The following CNTN5 variants were observed in gnomAD, a reference collection of about 807,000 sequenced individuals.
CNTN5 encodes contactin-5.
Under a neutral mutation model 129.1 loss-of-function variants are expected in CNTN5, and 77 were observed. That is an observed-to-expected ratio of 0.60 (90% CI 0.50 to 0.72). The LOEUF is 0.72. Among genes scored for constraint, CNTN5 ranks in the 30% least tolerant of loss-of-function variants. The pLI is 0.00. For missense variants in CNTN5, 1,478 were observed against 1,328.8 expected (o/e 1.11, Z -1.75); for synonymous variants, 509 against 465.6 (o/e 1.09, Z -1.20).
At position 100,133,798 on chromosome 11, in the gene CNTN5, G is replaced by T. The variant is rs1057159855; in HGVS notation, c.1581-57328G>T. Among the ~76,000 whole-genome samples, 10 of 152,052 alleles carry T rather than the reference G, an allele frequency of 6.6e-5. No individual in the cohort carries two copies. The East Asian group carries it at 1.9e-3, about 29-fold the overall frequency. ...TAGTTCCAATGGGAGGTTACCGAGG[G>T]TAAGTAATCAAGATACTTGCTGGTA... On this transcript the variant is annotated intron_variant, in intron 13 of 24. Coordinates refer to ENST00000524871, the MANE Select transcript of CNTN5 (RefSeq NM_014361.4).
At chr11:99,904,096 G>T (rs976769074) in intron 6 of CNTN5, among the ~76,000 whole-genome samples, 1 of 152,068 alleles carries the variant, frequency 6.6e-6, no homozygotes, top group Non-Finnish European at 1.5e-5. Flanking sequence ...ATTGTATATA[G>T]TTCTATCATC....
chr11:99,679,185 T>G, intron 3 of CNTN5, among the ~76,000 whole-genome samples: 1 of 136,712 alleles, frequency 7.3e-6, no homozygotes, highest in East Asian at 2.1e-4. Context: ...TATAAATATT[T>G]TATATATAGG....
chr11:99,278,275 T>A (rs1331525594), intron 1 of CNTN5, among the ~76,000 whole-genome samples: 1 of 151,650 alleles, frequency 6.6e-6, no homozygotes, highest in Admixed American at 6.6e-5. Flanking sequence ...TGTATTTTAT[T>A]CACAAGAACC....
chr11:99,759,650 G>C (rs1467674115), intron 3 of CNTN5, among the ~76,000 whole-genome samples: 1 of 151,404 alleles, frequency 6.6e-6, no homozygotes, highest in Non-Finnish European at 1.5e-5. Context: ...ATGCTAGGGA[G>C]GGTGTTTGCC....
chr11:99,582,685 T>G (rs1949650822), intron 3 of CNTN5, among the ~76,000 whole-genome samples: 1 of 152,244 alleles, frequency 6.6e-6, no homozygotes, highest in Non-Finnish European at 1.5e-5. Flanking sequence ...TCAGGTCCTT[T>G]AAGAACTTCT....
chr11:99,048,892 T>A (rs1198757354), intron 1 of CNTN5, among the ~76,000 whole-genome samples: 2 of 152,196 alleles, frequency 1.3e-5, no homozygotes, highest in Non-Finnish European at 2.9e-5. Context: ...TTCCTTAGTG[T>A]GTTTTCATGG....
chr11:99,122,181 C>T, intron 1 of CNTN5, among the ~76,000 whole-genome samples: 1 of 151,854 alleles, frequency 6.6e-6, no homozygotes, highest in Non-Finnish European at 1.5e-5. Context: ...TGCTATAGAT[C>T]TAATTTATTT....
At chr11:99,021,665 C>G (rs941796853) in intron 1 of CNTN5, among the ~76,000 whole-genome samples, 1 of 152,094 alleles carries the variant, frequency 6.6e-6, no homozygotes, top group Non-Finnish European at 1.5e-5. Context: ...GAATGTATGC[C>G]TTATGTTTGA....
chr11:99,477,468 A>G (rs11604781), intron 2 of CNTN5, among the ~76,000 whole-genome samples: 1 of 151,948 alleles, frequency 6.6e-6, no homozygotes, highest in Non-Finnish European at 1.5e-5. Flanking sequence ...TCTGGCTTTC[A>G]CCATATTTTT....
intron 2 of CNTN5, among the ~76,000 whole-genome samples, chr11:99,497,810 A>G (rs1426331347): frequency 6.6e-6 from 1 of 152,164 alleles, no homozygotes; most frequent in African/African-American, 2.4e-5. Context: ...ATGGGGACAT[A>G]CTAGGAATCA....
At chr11:99,521,151 A>C (rs1163202911) in intron 2 of CNTN5, among the ~76,000 whole-genome samples, 10 of 150,148 alleles carry the variant, frequency 6.7e-5, no homozygotes, top group East Asian at 5.9e-4. Context: ...ATCTCCTCCT[A>C]CTCCTCCTCC....
At chr11:100,113,238 ATTACT>A (rs1256214665) in intron 13 of CNTN5, among the ~76,000 whole-genome samples, 1 of 151,844 alleles carries the variant, frequency 6.6e-6, no homozygotes, top group Admixed American at 6.6e-5. Context: ...TTTTACTGAA[ATTACT>A]TTACATATAA....
Position 99,918,622 on chromosome 11 carries a change from C to A in CNTN5, c.673+2473C>A, listed in dbSNP as rs1285795641. On this transcript the variant is annotated intron_variant, in intron 7 of 24. Transcript: ENST00000524871. ...ACCAATTAGCATTTGTAGCCATACA[C>A]TCTGACTTCCCAGTTTTTAGTATAT... 2.6e-5 allele frequency among the ~76,000 whole-genome samples: 4 copies of A among 152,274 alleles called. No individual in the cohort carries two copies. In the East Asian group the frequency reaches 7.7e-4, roughly 29 times the overall value.
intron 18 of CNTN5, among the ~76,000 whole-genome samples, chr11:100,277,337 C>G (rs1950536244): frequency 6.6e-6 from 1 of 152,074 alleles, no homozygotes; most frequent in African/African-American, 2.4e-5. Context: ...GGATATATAC[C>G]TAGGAGTGGG....
chr11:99,512,182 G>A (rs1946862867), intron 2 of CNTN5, among the ~76,000 whole-genome samples: 2 of 152,202 alleles, frequency 1.3e-5, no homozygotes, highest in African/African-American at 4.8e-5. Flanking sequence ...GCCCTAGACA[G>A]GTATAGCATT....
At chr11:99,830,364 T>G (rs1358149106) in intron 4 of CNTN5, among the ~76,000 whole-genome samples, 1 of 152,182 alleles carries the variant, frequency 6.6e-6, no homozygotes, top group Non-Finnish European at 1.5e-5. Context: ...TTCCTGCATT[T>G]ACAAATTTGT....
intron 17 of CNTN5, among the ~76,000 whole-genome samples, chr11:100,257,838 CA>C (rs1950108846): frequency 6.6e-6 from 1 of 152,134 alleles, no homozygotes; most frequent in Admixed American, 6.6e-5. Context: ...GAGGAAAAAA[CA>C]GCACAAAAAG....
intron 3 of CNTN5, among the ~76,000 whole-genome samples, chr11:99,600,431 G>C (rs1261252202): frequency 3.3e-5 from 5 of 152,138 alleles, no homozygotes; most frequent in Admixed American, 3.3e-4. Flanking sequence ...TTTACCTCAT[G>C]TTAATTAGGT....
chr11:99,035,137 G>A (rs1863644930), intron 1 of CNTN5, among the ~76,000 whole-genome samples: 1 of 151,268 alleles, frequency 6.6e-6, no homozygotes, highest in Non-Finnish European at 1.5e-5. Flanking sequence ...CTGAGAGATA[G>A]TTTGTTATAA....
Sources: allele counts gnomAD v4.1 joint callset (sites outside exome capture counted in the v4.1 genomes callset), GRCh38; gene constraint gnomAD v4.1.1; transcripts MANE v1.5; gene names NCBI Gene and HGNC (gene_info 2026-07-23, HGNC 2026-07-21).